The following WWOX variants were observed in gnomAD, a reference collection of about 807,000 sequenced individuals.
WWOX encodes the protein WW domain containing oxidoreductase, also known as WW domain-containing oxidoreductase.
WWOX carries 69 observed loss-of-function variants against 46.2 expected under a neutral mutation model. The ratio of observed to expected loss-of-function variants is 1.49; its 90% CI spans 1.23 to 1.82. WWOX has a LOEUF of 1.82. Ranked by LOEUF, WWOX falls within the 40% of genes most tolerant of loss-of-function variation. WWOX has a pLI of 0.00. For synonymous variants in WWOX, 359 were observed against 202.6 expected (o/e 1.77, Z -6.56); for missense variants, 919 against 542.6 (o/e 1.69, Z -6.89).
At chr16:79,027,099 G>C (rs2047660879) in intron 8 of WWOX, among the ~76,000 whole-genome samples, 1 of 151,400 alleles carries the variant, frequency 6.6e-6, no homozygotes, top group Admixed American at 6.6e-5. Flanking sequence ...TGGCAACATG[G>C]TGAGACCCCA....
At chr16:78,536,032 C>A (rs1181940369) in intron 8 of WWOX, among the ~76,000 whole-genome samples, 1 of 152,140 alleles carries the variant, frequency 6.6e-6, no homozygotes, top group Non-Finnish European at 1.5e-5. Context: ...CTGTGGGAGC[C>A]ATAATGGAGT....
At position 78,295,434 on chromosome 16, in the gene WWOX, AG is replaced by A. The variant is rs545645964; in HGVS notation, c.517-91424del. Among the ~76,000 whole-genome samples the A allele has an allele frequency of 7.2e-5, 11 of 152,296 alleles. No individual in the cohort carries two copies. In the South Asian group the frequency reaches 2.3e-3, roughly 32 times the overall value. On this transcript the variant is annotated intron_variant, in intron 5 of 8. Transcript: ENST00000566780. ...AGAATAAGAATGGTTCTCCAAGGCC[AG>A]GTGTGGTGGCTCACGCCTGTAATCC...
At chr16:78,696,370 C>G (rs1053450044) in intron 8 of WWOX, among the ~76,000 whole-genome samples, 7 of 152,188 alleles carry the variant, frequency 4.6e-5, no homozygotes, top group Non-Finnish European at 8.8e-5. Context: ...ACTCTATAGA[C>G]AGTCCCTGAC....
chr16:78,214,961 G>C (rs1286026811), intron 5 of WWOX, among the ~76,000 whole-genome samples: 1 of 152,146 alleles, frequency 6.6e-6, no homozygotes, highest in East Asian at 1.9e-4. Flanking sequence ...CAGCTTTACA[G>C]AGACTACCAT....
At chr16:78,419,615 C>T (rs74954057) in intron 6 of WWOX, among the ~76,000 whole-genome samples, 4 of 19,462 alleles carry the variant, frequency 2.1e-4, no homozygotes, top group African/African-American at 6.2e-4. Context: ...AACTACACAG[C>T]AAAAAATAGC....
chr16:79,060,984 G>A (rs1174510589), intron 8 of WWOX, among the ~76,000 whole-genome samples: 1 of 152,214 alleles, frequency 6.6e-6, no homozygotes, highest in African/African-American at 2.4e-5. Flanking sequence ...TAAGGAATAT[G>A]CTGAAGCTTG....
intron 8 of WWOX, among the ~76,000 whole-genome samples, chr16:78,762,448 C>T (rs147937129): frequency 1.3e-4 from 20 of 152,148 alleles, no homozygotes; most frequent in African/African-American, 4.6e-4. Context: ...CCCACTGAGT[C>T]GAATAGACAT....
intron 6 of WWOX, among the ~76,000 whole-genome samples, chr16:78,418,644 G>C (rs2082854798): frequency 6.6e-6 from 1 of 152,070 alleles, no homozygotes; most frequent in South Asian, 2.1e-4. Flanking sequence ...TTCACGGTTG[G>C]TTTTATATTA....
At chr16:79,155,378 A>G (rs912483098) in intron 8 of WWOX, among the ~76,000 whole-genome samples, 1 of 152,142 alleles carries the variant, frequency 6.6e-6, no homozygotes, top group Non-Finnish European at 1.5e-5. Context: ...CTGTTTCAAC[A>G]ACAACAACAA....
intron 8 of WWOX, among the ~76,000 whole-genome samples, chr16:79,011,530 C>A (rs1273043637): frequency 6.6e-6 from 1 of 150,408 alleles, no homozygotes; most frequent in Non-Finnish European, 1.5e-5. Context: ...CTTAATCTGT[C>A]CCCCAGGCTG....
intron 6 of WWOX, among the ~76,000 whole-genome samples, chr16:78,403,534 T>G (rs889046191): frequency 2.6e-5 from 4 of 152,170 alleles, no homozygotes; most frequent in African/African-American, 7.2e-5. Flanking sequence ...GAAGGCTCTT[T>G]GTTTATTGCC....
intron 8 of WWOX, among the ~76,000 whole-genome samples, chr16:78,761,520 G>A (rs926458606): frequency 2.5e-4 from 38 of 152,148 alleles, no homozygotes; most frequent in African/African-American, 9.2e-4. Flanking sequence ...TTCTTTCTCT[G>A]CTCATCTACC....
intron 8 of WWOX, chr16:79,004,314 A>C (rs2047151193): frequency 1.3e-5 from 2 of 152,192 alleles, no homozygotes; most frequent in Non-Finnish European, 1.5e-5. Context: ...CGTGAATGCT[A>C]CTTCCTCCAA....
At chr16:78,125,225 A>G (rs912107585) in intron 4 of WWOX, among the ~76,000 whole-genome samples, 4 of 152,192 alleles carry the variant, frequency 2.6e-5, no homozygotes, top group African/African-American at 9.6e-5. Flanking sequence ...CTGTCTTGTG[A>G]TAATGTCGAA....
Position 78,985,942 on chromosome 16 carries a change from T to G in WWOX, c.1057-225666T>G, listed in dbSNP as rs1050700544. Among the ~76,000 whole-genome samples the G allele has an allele frequency of 3.9e-5, 6 of 152,296 alleles. No individual in the cohort carries two copies. The South Asian group carries it at 6.2e-4, about 16-fold the overall frequency. ...ACAAACACCTTGACTGGCCGAGAAATGCAGATGCTGTGTCAAAAGTTCATG... is the reference window on the plus strand; with the variant it reads ...ACAAACACCTTGACTGGCCGAGAAAGGCAGATGCTGTGTCAAAAGTTCATG... On this transcript the variant is annotated intron_variant, in intron 8 of 8. Coordinates refer to ENST00000566780, the MANE Select transcript of WWOX (RefSeq NM_016373.4).
intron 8 of WWOX, among the ~76,000 whole-genome samples, chr16:78,557,857 A>G (rs971460384): frequency 1.3e-5 from 2 of 151,734 alleles, no homozygotes; most frequent in African/African-American, 2.4e-5. Context: ...CACCATACCC[A>G]GCTAATTTTT....
intron 8 of WWOX, among the ~76,000 whole-genome samples, chr16:78,837,346 C>T (rs1235428731): frequency 6.6e-6 from 1 of 152,216 alleles, no homozygotes; most frequent in Non-Finnish European, 1.5e-5. Flanking sequence ...ATTCCCTAAC[C>T]CTCACCCAGC....
intron 5 of WWOX, among the ~76,000 whole-genome samples, chr16:78,353,908 T>C (rs1450003563): frequency 6.6e-6 from 1 of 152,248 alleles, no homozygotes; most frequent in Non-Finnish European, 1.5e-5. Flanking sequence ...GGGTGATGGC[T>C]TCTTCTGTTC....
At chr16:79,064,955 G>C (rs2048416080) in intron 8 of WWOX, among the ~76,000 whole-genome samples, 2 of 152,176 alleles carry the variant, frequency 1.3e-5, no homozygotes, top group South Asian at 4.1e-4. Flanking sequence ...TGTTTATAGA[G>C]ATGGAGCATG....
Sources: allele counts gnomAD v4.1 joint callset (sites outside exome capture counted in the v4.1 genomes callset), GRCh38; gene constraint gnomAD v4.1.1; transcripts MANE v1.5; gene names NCBI Gene and HGNC (gene_info 2026-07-23, HGNC 2026-07-21).